SDK2: variants seen among roughly 807,000 people sequenced by gnomAD.
SDK2 encodes the protein sidekick cell adhesion molecule 2.
Under a neutral mutation model 253.9 loss-of-function variants are expected in SDK2, and 105 were observed. The observed-to-expected ratio is 0.41, with a 90% CI of 0.35 to 0.49. The LOEUF (loss-of-function observed/expected upper bound fraction) is 0.49, where lower values mean the gene tolerates loss of function less well. SDK2 is among the 20% of genes least tolerant of loss of function. SDK2 has a pLI of 0.06. For missense variants in SDK2, 2,608 were observed against 3,003.0 expected (o/e 0.87, Z 3.07); for synonymous variants, 1,249 against 1,234.9 (o/e 1.01, Z -0.24).
chr17:73,470,138 C>T (rs2063637902), intron 3 of SDK2, among the ~76,000 whole-genome samples: 2 of 151,966 alleles, frequency 1.3e-5, no homozygotes, highest in Admixed American at 1.3e-4. Flanking sequence ...TGCACATACT[C>T]AAATGCACAC....
rs1231455556 is a variant in SDK2, at chr17:73,406,305, G to A, written c.2485-4164C>T. On this transcript the variant is annotated intron_variant, in intron 18 of 44. Coordinates refer to ENST00000392650, the MANE Select transcript of SDK2 (RefSeq NM_001144952.2). ...GTTGCCTAGGCTAGGGTGCAGTGGC[G>A]AGATCTCCGCTCACTGCAATCTCTG... is the stretch of plus-strand genomic sequence containing the variant. Among the ~76,000 whole-genome samples the A allele has an allele frequency of 2.0e-5, 3 of 150,092 alleles. No homozygotes were observed. In the Admixed American group the frequency reaches 2.0e-4, roughly 10 times the overall value.
Position 73,453,039 on chromosome 17 carries a change from T to A in SDK2, c.479+2867A>T, listed in dbSNP as rs375767674. Among the ~76,000 whole-genome samples the A allele has an allele frequency of 3.3e-5, 5 of 152,246 alleles. No individual in the cohort carries two copies. In the East Asian group the frequency reaches 9.6e-4, roughly 29 times the overall value. On this transcript the variant is annotated intron_variant, in intron 4 of 44. Coordinates refer to ENST00000392650, the MANE Select transcript of SDK2 (RefSeq NM_001144952.2). Reference sequence around the variant, plus strand: ...CTGTTAACCTGGGGTGCCACTCCAATTCTTCACCCTGCTCTGTATCCACAC... The same window carrying A: ...CTGTTAACCTGGGGTGCCACTCCAAATCTTCACCCTGCTCTGTATCCACAC...
intron 6 of SDK2, 31 bp downstream of exon 6, chr17:73,440,781 G>T: frequency 2.7e-6 from 4 of 1,464,410 alleles, no homozygotes; most frequent in Non-Finnish European, 3.7e-6. Context: ...GGAGTTACGG[G>T]TGCGGGAGCG....
rs1404298572 is a variant in SDK2, at chr17:73,352,035, C to G, written c.5758+438G>C. 1.3e-5 allele frequency among the ~76,000 whole-genome samples: 2 copies of G among 151,992 alleles called. No individual in the cohort carries two copies. Among genetic ancestry groups the G allele is most frequent in the Non-Finnish European group, 2.9e-5 (2 of 67,998 alleles). ...GGGAGGAAAATGGGAGGGGTGGTGA[C>G]CCTGCTGCACCCAGGCACTAGGTCA... On this transcript the variant is annotated intron_variant, in intron 41 of 44. Transcript: ENST00000392650. This position sits in a 1 kb window ranked among gnomAD's most constrained non-coding sequence, Gnocchi z 4.1.
At chr17:73,510,650 C>T (rs1022228558) in intron 1 of SDK2, among the ~76,000 whole-genome samples, 7 of 152,248 alleles carry the variant, frequency 4.6e-5, no homozygotes, top group African/African-American at 1.4e-4. Context: ...CAGGCGTGCA[C>T]CACCAGCTAA....
chr17:73,585,844 C>G (rs374756154), intron 1 of SDK2, among the ~76,000 whole-genome samples: 5 of 152,330 alleles, frequency 3.3e-5, no homozygotes, highest in Admixed American at 2.6e-4. Flanking sequence ...AGTAACTAGA[C>G]CCCTCTGAGC....
intron 4 of SDK2, among the ~76,000 whole-genome samples, chr17:73,448,664 T>A (rs2063470891): frequency 7.2e-6 from 1 of 139,106 alleles, no homozygotes; most frequent in African/African-American, 2.7e-5. Context: ...GTGCCCAGTC[T>A]TTTTTTTTTT....
At position 73,435,284 on chromosome 17, in the gene SDK2, C is replaced by T. The variant is rs916927084; in HGVS notation, c.1195+166G>A. Reference sequence around the variant, plus strand: ...GGACTCAGGGCTGCAGAGGCAGCAGCGGTAACTGGCTGTGCCCCCAGGCTG... The same window carrying T: ...GGACTCAGGGCTGCAGAGGCAGCAGTGGTAACTGGCTGTGCCCCCAGGCTG... On this transcript the variant is annotated intron_variant, in intron 9 of 44. Transcript: ENST00000392650. The surrounding 1 kb of genome is among the most constrained non-coding windows in gnomAD (Gnocchi z 5.7). Among the ~76,000 whole-genome samples, 4 of 152,192 alleles carry T rather than the reference C, an allele frequency of 2.6e-5. No homozygotes were observed. The highest frequency in any genetic ancestry group is 4.8e-5 in the African/African-American group (2 of 41,448).
rs544627651 is a variant in SDK2 at position 73,455,804 on chromosome 17, C to A, written c.479+102G>T. ...CCACAGGAGCTGAAAGGGGCTTCTGCACAAAGGCCCTCCTCCACACTCAAG... is the reference window on the plus strand; with the variant it reads ...CCACAGGAGCTGAAAGGGGCTTCTGAACAAAGGCCCTCCTCCACACTCAAG... On this transcript the variant is annotated intron_variant, in intron 4 of 44. Coordinates refer to ENST00000392650, the MANE Select transcript of SDK2 (RefSeq NM_001144952.2). This position sits in a 1 kb window ranked among gnomAD's most constrained non-coding sequence, Gnocchi z 5.0. 2.7e-5 allele frequency: 35 copies of A among 1,319,472 alleles called. No homozygotes were observed. In the East Asian group the frequency reaches 6.0e-4, roughly 23 times the overall value. 81.7% of individuals were successfully genotyped at this position (1,319,472 alleles called of 1,614,324 possible).
At chr17:73,507,145 T>G (rs2063942271) in intron 2 of SDK2, among the ~76,000 whole-genome samples, 1 of 152,224 alleles carries the variant, frequency 6.6e-6, no homozygotes, top group South Asian at 2.1e-4. Flanking sequence ...ACAGCTGCTG[T>G]TAGTGAGTCC....
chr17:73,400,371 G>A (rs1022226604), intron 21 of SDK2, among the ~76,000 whole-genome samples: 10 of 152,170 alleles, frequency 6.6e-5, no homozygotes, highest in Non-Finnish European at 1.2e-4. Context: ...CCCTCTGGGC[G>A]ACAGTGGGAA....
intron 12 of SDK2, among the ~76,000 whole-genome samples, chr17:73,427,995 ACT>A (rs2063296588): frequency 6.6e-6 from 1 of 152,258 alleles, no homozygotes; most frequent in Non-Finnish European, 1.5e-5. Context: ...AACTCTTAAA[ACT>A]CAGCAATAAG....
At chr17:73,463,539 C>T (rs1185242263) in intron 3 of SDK2, among the ~76,000 whole-genome samples, 1 of 152,150 alleles carries the variant, frequency 6.6e-6, no homozygotes, top group African/African-American at 2.4e-5. Flanking sequence ...CCCCCTTCCC[C>T]GGCACCAGGT....
chr17:73,468,485 G>C (rs987319460), intron 3 of SDK2, among the ~76,000 whole-genome samples: 2 of 152,092 alleles, frequency 1.3e-5, no homozygotes, highest in Non-Finnish European at 2.9e-5. Flanking sequence ...TGTGAATGTG[G>C]TCTGTCTGAC....
At chr17:73,344,323 AGAGAT>A (rs2062464361) in intron 44 of SDK2, among the ~76,000 whole-genome samples, 1 of 152,204 alleles carries the variant, frequency 6.6e-6, no homozygotes, top group South Asian at 2.1e-4. Context: ...ACCGGCTGTC[AGAGAT>A]GTCTGTGGTC....
intron 1 of SDK2, among the ~76,000 whole-genome samples, chr17:73,589,061 C>A (rs1460097309): frequency 6.6e-6 from 1 of 152,268 alleles, no homozygotes; most frequent in Admixed American, 6.5e-5. Context: ...TGGAGAGAGG[C>A]TTGGTTCTTA....
At chr17:73,533,478 G>A (rs554358219) in intron 1 of SDK2, among the ~76,000 whole-genome samples, 18 of 152,208 alleles carry the variant, frequency 1.2e-4, no homozygotes, top group Non-Finnish European at 2.2e-4. Context: ...GACACCCCAC[G>A]TCCCTGGACA....
rs748390913 is a variant in SDK2 at position 73,431,669 on chromosome 17, C to A, written c.1313G>T (p.Gly438Val). 5 of 1,604,362 alleles carry A rather than the reference C, an allele frequency of 3.1e-6. No individual in the cohort carries two copies. Among genetic ancestry groups the A allele is most frequent in the Non-Finnish European group, 4.3e-6 (5 of 1,175,188 alleles). The change falls in exon 11 of 45, where the codon GGG becomes GTG. Residue 438 changes from glycine (G) to valine (V), a missense_variant and splice_region_variant. Coordinates refer to ENST00000392650, the MANE Select transcript of SDK2 (RefSeq NM_001144952.2). The surrounding 1 kb of genome is among the most constrained non-coding windows in gnomAD (Gnocchi z 5.6). ...AGAGCCACTGGCCAAGATGCGCTCC[C>A]CTGAGGGCAAAACAGGGTGGGGGTC... The part of the protein sequence containing the change: ...APRPAITWQK[G>V]ERILASGSVQ...
chr17:73,357,164 C>T (rs763956112), intron 40 of SDK2, among the ~76,000 whole-genome samples: 2 of 152,236 alleles, frequency 1.3e-5, no homozygotes. Flanking sequence ...GTGATTAAGG[C>T]AGGAGCGGTG....
Sources: gnomAD v4.1 joint callset for allele counts (sites outside exome capture counted in the v4.1 genomes callset) on GRCh38, gnomAD v4.1.1 for gene constraint, Gnocchi (gnomAD v3.1) non-coding constraint, MANE v1.5 for transcripts, NCBI Gene and HGNC (gene_info 2026-07-23, HGNC 2026-07-21) for gene names.